The following SYT16 variants were observed in gnomAD, a reference collection of about 807,000 sequenced individuals.
SYT16 encodes the protein synaptotagmin 16.
SYT16 carries 42 observed loss-of-function variants against 61.4 expected under a neutral mutation model. That is an observed-to-expected ratio of 0.68 (90% confidence interval 0.53 to 0.89). SYT16 has a LOEUF of 0.89. Among genes scored for constraint, SYT16 ranks in the 40% least tolerant of loss-of-function variants. SYT16 has a pLI of 0.00. For missense variants in SYT16, 804 were observed against 807.3 expected, an observed-to-expected ratio of 1.00 and a Z score of 0.05; for synonymous variants, 314 against 302.3, an observed-to-expected ratio of 1.04 and a Z score of -0.40.
At chr14:61,952,727 A>G (rs1236669640) in intron 1 of SYT16, among the ~76,000 whole-genome samples, 1 of 152,100 alleles carries the variant, frequency 6.6e-6, no homozygotes, top group Admixed American at 6.5e-5. Context: ...GCTATGTTTT[A>G]TTTTGGAACA....
intron 1 of SYT16, among the ~76,000 whole-genome samples, chr14:61,914,642 C>A (rs1296147847): frequency 6.6e-6 from 1 of 152,108 alleles, no homozygotes; most frequent in Non-Finnish European, 1.5e-5. Flanking sequence ...GACTCATTTT[C>A]TTCATGCTTT....
At chr14:61,902,944 C>T (rs1013276000) in intron 1 of SYT16, among the ~76,000 whole-genome samples, 6 of 152,178 alleles carry the variant, frequency 3.9e-5, no homozygotes, top group South Asian at 2.1e-4. Context: ...TCCCACAACA[C>T]GTGGGAATTA....
At chr14:61,848,437 TC>T (rs2046508931) in intron 1 of SYT16, among the ~76,000 whole-genome samples, 1 of 152,150 alleles carries the variant, frequency 6.6e-6, no homozygotes, top group African/African-American at 2.4e-5. Context: ...TCTCTCTCTC[TC>T]TCTGTGCTGA....
At chr14:61,855,257 A>G (rs1291475890) in intron 1 of SYT16, among the ~76,000 whole-genome samples, 1 of 152,194 alleles carries the variant, frequency 6.6e-6, no homozygotes, top group Non-Finnish European at 1.5e-5. Context: ...TCTTGCACCT[A>G]TTGGTGGATT....
chr14:61,993,172 C>T (rs1333615326), intron 2 of SYT16, among the ~76,000 whole-genome samples: 2 of 150,568 alleles, frequency 1.3e-5, no homozygotes, highest in Non-Finnish European at 3.0e-5. Flanking sequence ...AGTTTTCTAC[C>T]AAACATCACA....
chr14:61,851,603 C>T (rs2046623010), intron 1 of SYT16, among the ~76,000 whole-genome samples: 1 of 152,200 alleles, frequency 6.6e-6, no homozygotes. Context: ...AACAGCCATT[C>T]TGACTGGCAC....
At chr14:61,936,005 AT>A (rs2049967014) in intron 1 of SYT16, among the ~76,000 whole-genome samples, 1 of 152,162 alleles carries the variant, frequency 6.6e-6, no homozygotes, top group African/African-American at 2.4e-5. Flanking sequence ...CTTTAATGGA[AT>A]TTCAGTTGTA....
chr14:61,930,549 T>C (rs143653000), intron 1 of SYT16, among the ~76,000 whole-genome samples: 29 of 152,204 alleles, frequency 1.9e-4, no homozygotes, highest in African/African-American at 5.8e-4. Flanking sequence ...TGGATCACTG[T>C]AATAATTTTT....
At chr14:61,994,141 A>G (rs1258862644) in intron 2 of SYT16, among the ~76,000 whole-genome samples, 1 of 152,198 alleles carries the variant, frequency 6.6e-6, no homozygotes, top group East Asian at 1.9e-4. Flanking sequence ...TTTGGAGACC[A>G]AAAGCTAACG....
In SYT16 at chr14:62,069,811, C is replaced by T. The variant is rs559653620; in HGVS notation, c.732C>T (p.Cys244=). ...AAGATGGCACAGAAGTATCTGCCTG[C>T]GAAGGTATCCTTTGCCTCACATCCT... is the stretch of plus-strand genomic sequence containing the variant. ...HGEDGTEVSA[C]EDLDGASQRR... The change falls in exon 4 of 8, where the codon TGC becomes TGT. Residue 244 remains cysteine, a synonymous_variant. Transcript: ENST00000683842. 45 of 1,613,608 alleles carry T rather than the reference C, an allele frequency of 2.8e-5. No homozygotes were observed. The highest frequency in any genetic ancestry group is 4.4e-5 in the South Asian group (4 of 91,042).
chr14:62,055,678 CAAATCCCTGCTCAAA>C (rs371100821), intron 3 of SYT16, among the ~76,000 whole-genome samples: 713 of 152,270 alleles, frequency 4.7e-3, no homozygotes, highest in Non-Finnish European at 7.2e-3. Flanking sequence ...ATCAGCAACA[CAAATCCCTGCTCAAA>C]AATGCAAGGA....
intron 1 of SYT16, among the ~76,000 whole-genome samples, chr14:61,887,032 G>A (rs572639539): frequency 1.4e-4 from 21 of 151,986 alleles, no homozygotes; most frequent in African/African-American, 4.6e-4. Context: ...GAGCCACTGC[G>A]CCCGGCCATG....
chr14:61,907,266 G>T (rs781060979), intron 1 of SYT16, among the ~76,000 whole-genome samples: 46 of 152,282 alleles, frequency 3.0e-4, no homozygotes, highest in Non-Finnish European at 5.7e-4. Flanking sequence ...ACATCTGCTT[G>T]TGTTTCCTGA....
chr14:62,084,417 T>C, intron 7 of SYT16, 32 bp downstream of exon 7: 1 of 1,589,456 alleles, frequency 6.3e-7, no homozygotes, highest in Non-Finnish European at 8.5e-7. Flanking sequence ...CAGCTCTGGT[T>C]CTTCCAGAGG....
At chr14:61,822,007 A>C (rs1415508068) in intron 1 of SYT16, among the ~76,000 whole-genome samples, 1 of 152,210 alleles carries the variant, frequency 6.6e-6, no homozygotes, top group African/African-American at 2.4e-5. Flanking sequence ...GAATTGGCTA[A>C]CACGATCACA....
intron 2 of SYT16, among the ~76,000 whole-genome samples, chr14:61,984,592 A>G (rs935045891): frequency 6.6e-5 from 10 of 152,220 alleles, no homozygotes; most frequent in African/African-American, 1.2e-4. Flanking sequence ...AAACTGAGCT[A>G]TGCTAACAGA....
At chr14:61,953,372 A>T (rs1375119424) in intron 1 of SYT16, among the ~76,000 whole-genome samples, 2 of 148,864 alleles carry the variant, frequency 1.3e-5, no homozygotes, top group Admixed American at 6.7e-5. Flanking sequence ...AATGGTCCAA[A>T]TTTTTTTTTT....
chr14:62,025,371 T>C (rs1346559234), intron 3 of SYT16, among the ~76,000 whole-genome samples: 19 of 152,184 alleles, frequency 1.2e-4, no homozygotes, highest in Non-Finnish European at 5.9e-5. Context: ...TATTTTCCTA[T>C]GCTTATTTGC....
intron 1 of SYT16, chr14:61,832,395 C>T (rs554074319): frequency 9.6e-5 from 51 of 531,608 alleles, no homozygotes; most frequent in African/African-American, 8.4e-4. Flanking sequence ...CCACCACCGC[C>T]GCCCTCTATG....
Sources: gnomAD v4.1 joint callset for allele counts (sites outside exome capture counted in the v4.1 genomes callset) on GRCh38, gnomAD v4.1.1 for gene constraint, MANE v1.5 for transcripts, NCBI Gene and HGNC (gene_info 2026-07-23, HGNC 2026-07-21) for gene names.